CDH8: variants seen among roughly 807,000 people sequenced by gnomAD.
The protein encoded by CDH8 is cadherin-8.
In CDH8, 17 loss-of-function variants were observed where a neutral mutation model predicts 68.1. That is an observed-to-expected ratio of 0.25 (90% CI 0.17 to 0.37). CDH8 has a LOEUF of 0.37. Among genes scored for constraint, CDH8 ranks in the 10% least tolerant of loss-of-function variants. The pLI, the probability that CDH8 is intolerant of heterozygous loss-of-function variation, is 1.00. For synonymous variants in CDH8, 372 were observed against 365.1 expected (o/e 1.02, Z -0.21); for missense variants, 763 against 999.3 (o/e 0.76, Z 3.19).
In CDH8 at chr16:61,953,923, AT is replaced by A. The variant is rs1372435098; in HGVS notation, c.253-52451del. Among the ~76,000 whole-genome samples the A allele has an allele frequency of 3.6e-3, 510 of 141,156 alleles. 7 individuals carry two copies. Among genetic ancestry groups the A allele is most frequent in the African/African-American group, 0.011 (437 of 38,080 alleles). The allele number at this position is 141,156 out of a possible 152,430, so 92.6% of individuals were successfully genotyped here. A position where few individuals can be genotyped will look rare whatever the true frequency, so the allele number is the denominator to read the frequency against. ...TATATATATATATATATATATATAT[AT>A]ATAAAATACCTTAATAACATGCTAT... is the stretch of plus-strand genomic sequence containing the variant. On this transcript the variant is annotated intron_variant, in intron 2 of 11. Transcript: ENST00000577390.
chr16:61,779,456 TGTGTGTGTGCGC>T lies in CDH8; in HGVS notation c.1414+9878_1414+9889del, dbSNP rs1178778909. ...GTGTGTGTGTGTGTGTGTGTGTGTGTGTGTGTGTGCGCGCATGGTGAGGGAAACAAGGAAGAA... is the reference window on the plus strand; with the variant it reads ...GTGTGTGTGTGTGTGTGTGTGTGTGTGCATGGTGAGGGAAACAAGGAAGAA... On this transcript the variant is annotated intron_variant, in intron 8 of 11. Transcript: ENST00000577390. Among the ~76,000 whole-genome samples the T allele has an allele frequency of 4.9e-4, 74 of 149,654 alleles. 1 individual carries two copies. Among genetic ancestry groups the T allele is most frequent in the African/African-American group, 1.6e-3 (65 of 40,628 alleles).
intron 8 of CDH8, among the ~76,000 whole-genome samples, chr16:61,787,074 G>T (rs2142993604): frequency 6.9e-6 from 1 of 145,422 alleles, no homozygotes; most frequent in South Asian, 2.2e-4. Context: ...GGCAACAAAA[G>T]CCAAAATTGA....
intron 10 of CDH8, among the ~76,000 whole-genome samples, chr16:61,684,429 A>T (rs948752213): frequency 3.3e-5 from 5 of 152,070 alleles, no homozygotes; most frequent in African/African-American, 1.2e-4. Context: ...ATATAGCAAG[A>T]AAAAATCCAG....
intron 8 of CDH8, among the ~76,000 whole-genome samples, chr16:61,782,096 C>T (rs189869034): frequency 7.9e-5 from 12 of 152,268 alleles, no homozygotes; most frequent in Non-Finnish European, 1.5e-4. Context: ...CCAAGATGGC[C>T]GAATAGGAAC....
At chr16:61,745,537 A>AT (rs1490331577) in intron 8 of CDH8, among the ~76,000 whole-genome samples, 1 of 146,654 alleles carries the variant, frequency 6.8e-6, no homozygotes, top group African/African-American at 2.5e-5. Context: ...TCATATTTGT[A>AT]TTTTTACTAT....
At chr16:61,719,287 G>C (rs1284311848) in intron 9 of CDH8, among the ~76,000 whole-genome samples, 1 of 151,072 alleles carries the variant, frequency 6.6e-6, no homozygotes, top group African/African-American at 2.4e-5. Flanking sequence ...TCAGTCCTCT[G>C]GGTAGAATTT....
intron 10 of CDH8, among the ~76,000 whole-genome samples, chr16:61,671,830 A>C: frequency 6.6e-6 from 1 of 152,052 alleles, no homozygotes; most frequent in Non-Finnish European, 1.5e-5. Context: ...ATTCACCCAC[A>C]TATGAACAGG....
At chr16:61,808,437 C>G (rs1365841931) in intron 7 of CDH8, among the ~76,000 whole-genome samples, 1 of 152,140 alleles carries the variant, frequency 6.6e-6, no homozygotes, top group Non-Finnish European at 1.5e-5. Context: ...CTTCAGGGTA[C>G]CCACTGCATC....
chr16:62,021,238 A>C lies in CDH8; in HGVS notation c.166T>G (p.Leu56Val). 6.2e-7 allele frequency: 1 copy of C among 1,614,036 alleles called. No homozygotes were observed. Among genetic ancestry groups the C allele is most frequent in the Non-Finnish European group, 8.5e-7 (1 of 1,179,952 alleles). The change falls in exon 2 of 12, where the codon TTG (leucine) becomes GTG (valine). Residue 56 changes from leucine to valine, a missense_variant. By Grantham distance (32) the Leu-to-Val change is conservative. This residue lies in a region of CDH8 where 366 missense variants were observed against 563.1 expected (regional missense o/e 0.65). Coordinates refer to ENST00000577390, the MANE Select transcript of CDH8 (RefSeq NM_001796.5). ...LNSLGEEQRI[L>V]NRSKRGWVWN... ...ACCCAGCCTCTTTTGGAGCGGTTCA[A>C]AATTCGCTGTTCTTCACCCAGACTG...
intron 3 of CDH8, among the ~76,000 whole-genome samples, chr16:61,871,029 T>C (rs1388706634): frequency 1.3e-5 from 2 of 152,146 alleles, no homozygotes; most frequent in African/African-American, 4.8e-5. Context: ...CGATAAATGT[T>C]TTTAATTCAT....
intron 8 of CDH8, among the ~76,000 whole-genome samples, chr16:61,741,839 T>C (rs892695541): frequency 6.6e-6 from 1 of 152,142 alleles, no homozygotes; most frequent in African/African-American, 2.4e-5. Flanking sequence ...CCTTTAAATT[T>C]CTATGCACAT....
At chr16:61,833,919 C>A (rs1289636946) in intron 4 of CDH8, among the ~76,000 whole-genome samples, 5 of 151,858 alleles carry the variant, frequency 3.3e-5, no homozygotes, top group Admixed American at 1.3e-4. Context: ...TTTTATGTTT[C>A]TTTCCATTTC....
intron 8 of CDH8, among the ~76,000 whole-genome samples, chr16:61,746,556 A>AC (rs1960027163): frequency 7.1e-6 from 1 of 140,110 alleles, no homozygotes; most frequent in African/African-American, 2.6e-5. Context: ...ATTCCCCCCC[A>AC]ACACACACAC....
intron 8 of CDH8, among the ~76,000 whole-genome samples, chr16:61,759,401 AAGG>A (rs1960405880): frequency 6.6e-6 from 1 of 151,784 alleles, no homozygotes; most frequent in Non-Finnish European, 1.5e-5. Flanking sequence ...AGAGAAGGAA[AAGG>A]AGAAGGAAAG....
Position 61,654,057 on chromosome 16 carries a change from G to C in CDH8, c.1951C>G (p.Pro651Ala). 6.2e-7 allele frequency: 1 copy of C among 1,613,960 alleles called. No homozygotes were observed. Among genetic ancestry groups the C allele is most frequent in the Non-Finnish European group, 8.5e-7 (1 of 1,179,976 alleles). Residue 651 changes from proline to alanine, a missense_variant, in exon 12 of 12, where the codon CCA becomes GCA. Physicochemically the swap from Pro to Ala is conservative, Grantham distance 27 (BLOSUM62 -1). Around this residue, in one of 2 missense-constraint regions of CDH8, gnomAD observed 397 missense variants for 436.2 expected, o/e 0.91. Coordinates refer to ENST00000577390, the MANE Select transcript of CDH8 (RefSeq NM_001796.5). ...TCTTCATCATCTTTGATAATTAATG[G>C]TTCATTTTTATGCCGCCGTAGAGTT... ...FVTLRRHKNE[P>A]LIIKDDEDVR...
At chr16:61,688,644 T>TGGG (rs1451082074) in intron 10 of CDH8, among the ~76,000 whole-genome samples, 1 of 151,836 alleles carries the variant, frequency 6.6e-6, no homozygotes, top group African/African-American at 2.4e-5. Flanking sequence ...CATATCCCAG[T>TGGG]GGGGATATGA....
At position 61,959,984 on chromosome 16, in the gene CDH8, GTATATA is replaced by G. The variant is rs1181394965; in HGVS notation, c.253-58517_253-58512del. ...GTATGTGGTGTATGTGTGTGTGTGT[GTATATA>G]TATATATATATATATATATATATAT... On this transcript the variant is annotated intron_variant, in intron 2 of 11. Coordinates refer to ENST00000577390, the MANE Select transcript of CDH8 (RefSeq NM_001796.5). Among the ~76,000 whole-genome samples, 143 of 44,538 alleles carry G rather than the reference GTATATA, an allele frequency of 3.2e-3. 18 individuals carry two copies. Among genetic ancestry groups the G allele is most frequent in the South Asian group, 9.2e-3 (9 of 976 alleles). The allele number at this position is 44,538 out of a possible 152,430, so 29.2% of individuals were successfully genotyped here.
chr16:61,996,721 T>A (rs2150593337), intron 2 of CDH8, among the ~76,000 whole-genome samples: 1 of 152,300 alleles, frequency 6.6e-6, no homozygotes, highest in Middle Eastern at 3.4e-3. Context: ...ACATCTCTGA[T>A]TAGGTCTACA....
At chr16:61,991,440 CA>C (rs1784984795) in intron 2 of CDH8, among the ~76,000 whole-genome samples, 1 of 152,162 alleles carries the variant, frequency 6.6e-6, no homozygotes, top group African/African-American at 2.4e-5. Flanking sequence ...GTAAAGGACT[CA>C]ACTTAGGCAA....
Sources: allele counts gnomAD v4.1 joint callset (sites outside exome capture counted in the v4.1 genomes callset), GRCh38; gene constraint gnomAD v4.1.1; regional missense constraint gnomAD v4.1.1; transcripts MANE v1.5; gene names NCBI Gene and HGNC (gene_info 2026-07-23, HGNC 2026-07-21).